CTDSPL2: variants seen among roughly 807,000 people sequenced by gnomAD.
CTDSPL2 encodes CTD small phosphatase-like protein 2.
In CTDSPL2, 5 loss-of-function variants were observed where a neutral mutation model predicts 60.0. The ratio of observed to expected loss-of-function variants is 0.08; its 90% CI spans 0.04 to 0.18. CTDSPL2 has a LOEUF of 0.18. CTDSPL2 is among the 10% of genes least tolerant of loss of function. The probability of loss-of-function intolerance (pLI) is 1.00; values close to 1 mark genes in which losing one functional copy is unlikely to be tolerated. For missense variants in CTDSPL2, 370 were observed against 548.8 expected (o/e 0.67, Z 3.26); for synonymous variants, 186 against 189.3 (o/e 0.98, Z 0.14).
At chr15:44,461,304 C>T (rs1465988694) in intron 2 of CTDSPL2, among the ~76,000 whole-genome samples, 1 of 152,230 alleles carries the variant, frequency 6.6e-6, no homozygotes, top group Non-Finnish European at 1.5e-5. Context: ...AAACTTAACA[C>T]TAATAACCTC....
At chr15:44,446,503 G>A (rs1380906246) in intron 1 of CTDSPL2, among the ~76,000 whole-genome samples, 2 of 151,910 alleles carry the variant, frequency 1.3e-5, no homozygotes, top group Non-Finnish European at 2.9e-5. Context: ...GGTGGCATGC[G>A]CCTGTAATCC....
intron 5 of CTDSPL2, among the ~76,000 whole-genome samples, chr15:44,493,751 G>A (rs1595756308): frequency 6.6e-6 from 1 of 152,260 alleles, no homozygotes; most frequent in South Asian, 2.1e-4. Flanking sequence ...AGTGAGCTGT[G>A]TTCATGCCAC....
At chr15:44,486,722 T>C in intron 4 of CTDSPL2, 22 bp downstream of exon 4, 2 of 1,459,432 alleles carry the variant, frequency 1.4e-6, no homozygotes, top group Non-Finnish European at 1.8e-6. Context: ...CTGTTAACTG[T>C]GATTTGGATT....
intron 5 of CTDSPL2, among the ~76,000 whole-genome samples, chr15:44,491,318 G>A (rs1358646680): frequency 6.6e-6 from 1 of 152,106 alleles, no homozygotes; most frequent in Non-Finnish European, 1.5e-5. Context: ...TATTGCACAA[G>A]TCTTAGACCC....
intron 12 of CTDSPL2, among the ~76,000 whole-genome samples, chr15:44,523,214 C>G (rs991134156): frequency 7.2e-5 from 11 of 152,100 alleles, no homozygotes; most frequent in Non-Finnish European, 1.6e-4. Context: ...CCAGGCTGAT[C>G]TCGAACTCCT....
In CTDSPL2 at chr15:44,527,940, T is replaced by C. The variant is rs1375853405; in HGVS notation, c.*3766T>C. 1 of 152,196 alleles carries C rather than the reference T, an allele frequency of 6.6e-6. No homozygotes were observed. Among genetic ancestry groups the C allele is most frequent in the Admixed American group, 6.5e-5 (1 of 15,276 alleles). The allele number at this position is 152,196 out of a possible 1,614,324, so 9.4% of individuals were successfully genotyped here. A position where few individuals can be genotyped will look rare whatever the true frequency, so the allele number is the denominator to read the frequency against. On this transcript the variant is annotated 3_prime_UTR_variant, in exon 13 of 13. Transcript: ENST00000260327. ...GTTGAAAGCCTACGACAAACATGTA[T>C]AAAATACATTTAAGAATTTTCAGAA...
At chr15:44,509,928 A>AATAT (rs147360753) in intron 8 of CTDSPL2, among the ~76,000 whole-genome samples, 9 of 150,226 alleles carry the variant, frequency 6.0e-5, no homozygotes, top group African/African-American at 2.2e-4. Context: ...TCCATTTAAA[A>AATAT]ATATATATAT....
chr15:44,429,576 C>T (rs919481879), intron 1 of CTDSPL2, among the ~76,000 whole-genome samples: 4 of 152,090 alleles, frequency 2.6e-5, no homozygotes, highest in Admixed American at 1.3e-4. Context: ...GTTGAAAGAA[C>T]GTATAAGCTG....
chr15:44,492,896 G>C (rs1282686294), intron 5 of CTDSPL2, among the ~76,000 whole-genome samples: 1 of 152,112 alleles, frequency 6.6e-6, no homozygotes, highest in Non-Finnish European at 1.5e-5. Flanking sequence ...AAAGTTCAGG[G>C]CTTTGGCTTC....
At chr15:44,522,796 G>C (rs2081804750) in intron 12 of CTDSPL2, among the ~76,000 whole-genome samples, 1 of 152,000 alleles carries the variant, frequency 6.6e-6, no homozygotes, top group Non-Finnish European at 1.5e-5. Flanking sequence ...TTTTCATTTT[G>C]GTCTTATAAT....
In CTDSPL2 at chr15:44,528,575, A is replaced by T. The variant is rs2081904626; in HGVS notation, c.*4401A>T. 1 of 152,020 alleles carries T rather than the reference A, an allele frequency of 6.6e-6. No homozygotes were observed. The highest frequency in any genetic ancestry group is 1.5e-5 in the Non-Finnish European group (1 of 68,004). 9.4% of individuals were successfully genotyped at this position (152,020 alleles called of 1,614,324 possible). ...TTCAAGATACATGGAGGAATAATAA[A>T]GAAGATTAAGGCTACTGCTCATTAT... is the stretch of plus-strand genomic sequence containing the variant. On this transcript the variant is annotated 3_prime_UTR_variant, in exon 13 of 13. Transcript: ENST00000260327.
intron 8 of CTDSPL2, among the ~76,000 whole-genome samples, chr15:44,508,380 G>C (rs1374284950): frequency 2.6e-5 from 4 of 151,886 alleles, no homozygotes; most frequent in African/African-American, 9.7e-5. Flanking sequence ...TAGACATTGA[G>C]CCACCACACC....
In CTDSPL2 at chr15:44,525,255, A is replaced by T; in HGVS notation, c.*1081A>T. 1 of 396,700 alleles carries T rather than the reference A, an allele frequency of 2.5e-6. No homozygotes were observed. The highest frequency in any genetic ancestry group is 4.4e-6 in the Non-Finnish European group (1 of 224,874). 24.6% of individuals were successfully genotyped at this position (396,700 alleles called of 1,614,324 possible). On this transcript the variant is annotated 3_prime_UTR_variant, in exon 13 of 13. Transcript: ENST00000260327. Reference sequence around the variant, plus strand: ...CTGTATAACAGTCTTGGTACCTAACAGTAGCTATGCATAATCCTGTGGCAC... The same window carrying T: ...CTGTATAACAGTCTTGGTACCTAACTGTAGCTATGCATAATCCTGTGGCAC...
At chr15:44,430,064 A>C (rs889051997) in intron 1 of CTDSPL2, among the ~76,000 whole-genome samples, 1 of 152,184 alleles carries the variant, frequency 6.6e-6, no homozygotes, top group African/African-American at 2.4e-5. Context: ...GAAATTAAGA[A>C]TTGGGGAAGT....
intron 2 of CTDSPL2, among the ~76,000 whole-genome samples, chr15:44,477,320 C>A (rs1305339826): frequency 6.6e-6 from 1 of 151,008 alleles, no homozygotes; most frequent in Non-Finnish European, 1.5e-5. Context: ...ATCCCTTGAT[C>A]TCAGGAGTTC....
At chr15:44,507,283 C>G (rs895071314) in intron 8 of CTDSPL2, among the ~76,000 whole-genome samples, 1 of 151,520 alleles carries the variant, frequency 6.6e-6, no homozygotes, top group Non-Finnish European at 1.5e-5. Flanking sequence ...TGGGGTTTCA[C>G]CATGTTGGCC....
intron 1 of CTDSPL2, among the ~76,000 whole-genome samples, chr15:44,452,747 A>G (rs1320946470): frequency 1.3e-5 from 2 of 152,112 alleles, no homozygotes; most frequent in Non-Finnish European, 2.9e-5. Flanking sequence ...AGGAGGTGTG[A>G]ATTGGCATAC....
At chr15:44,474,102 A>G (rs190915843) in intron 2 of CTDSPL2, among the ~76,000 whole-genome samples, 2 of 152,164 alleles carry the variant, frequency 1.3e-5, no homozygotes, top group Non-Finnish European at 2.9e-5. Flanking sequence ...TGCAAGGATT[A>G]CAGGAGTGAG....
chr15:44,443,531 G>A (rs2080136252), intron 1 of CTDSPL2, among the ~76,000 whole-genome samples: 1 of 152,060 alleles, frequency 6.6e-6, no homozygotes, highest in Non-Finnish European at 1.5e-5. Flanking sequence ...AAAGCGCAAG[G>A]ATTCTAATTT....
Sources: allele counts gnomAD v4.1 joint callset (sites outside exome capture counted in the v4.1 genomes callset), GRCh38; gene constraint gnomAD v4.1.1; transcripts MANE v1.5; gene names NCBI Gene and HGNC (gene_info 2026-07-23, HGNC 2026-07-21).